TDRKH: variants seen among roughly 807,000 people sequenced by gnomAD.
The protein encoded by TDRKH is tudor and KH domain containing.
In TDRKH, 28 loss-of-function variants were observed where a neutral mutation model predicts 61.3. The ratio of observed to expected loss-of-function variants is 0.46; its 90% confidence interval spans 0.34 to 0.63. The LOEUF is 0.63. Ranked by LOEUF, TDRKH falls within the 20% of genes least tolerant of loss-of-function variation. TDRKH has a pLI of 0.01. For synonymous variants in TDRKH, 219 were observed against 244.4 expected (o/e 0.90, Z 0.97); for missense variants, 540 against 683.4 (o/e 0.79, Z 2.34).
chr1:151,777,620 T>G (rs1649309762), intron 6 of TDRKH, among the ~76,000 whole-genome samples: 1 of 152,162 alleles, frequency 6.6e-6, no homozygotes, highest in Admixed American at 6.5e-5. Flanking sequence ...GTAAGGAATA[T>G]CTGTGATGAT....
rs1649450558 is a variant in TDRKH at position 151,778,685 on chromosome 1, T to C, written c.883A>G (p.Ile295Val). 1 of 1,611,914 alleles carries C rather than the reference T, an allele frequency of 6.2e-7. No homozygotes were observed. Among genetic ancestry groups the C allele is most frequent in the Non-Finnish European group, 8.5e-7 (1 of 1,179,082 alleles). The change falls in exon 6 of 13, where the codon ATC becomes GTC. Residue 295 changes from isoleucine (I) to valine (V), a missense_variant and splice_region_variant. Around this residue, in one of 3 missense-constraint regions of TDRKH, gnomAD observed 379 missense variants for 443.8 expected, o/e 0.85. Coordinates refer to ENST00000368824, the MANE Select transcript of TDRKH (RefSeq NM_001083965.2). ...AATGGGCTCCCTCTTTGTTACATAC[T>C]TTCAAACATGGGCATCTCTGGGATG... ...QAIPEMPMFE[I>V]PSPDFSFHAD...
downstream of TDRKH, among the ~76,000 whole-genome samples, chr1:151,767,772 T>G (rs537371419): frequency 2.6e-5 from 4 of 152,192 alleles, no homozygotes; most frequent in Non-Finnish European, 5.9e-5. Context: ...AATCCTAAGC[T>G]CTCTGATGTA....
At chr1:151,779,732 T>G in intron 4 of TDRKH, 1 of 503,692 alleles carries the variant, frequency 2.0e-6, no homozygotes, top group Non-Finnish European at 3.5e-6. Flanking sequence ...CTAGAACCCT[T>G]AAAGAATCAA....
In TDRKH at chr1:151,775,890, G is replaced by C. The variant is rs1348760455; in HGVS notation, c.1218-6C>G. On this transcript the variant is annotated splice_region_variant and splice_polypyrimidine_tract_variant and intron_variant, in intron 8 of 12. Coordinates refer to ENST00000368824, the MANE Select transcript of TDRKH (RefSeq NM_001083965.2). ...GAAGGCTTAGGAAGTCACTCCTGAA[G>C]TAAAAGAAACTAAAATTAGAATCCT... 6.2e-7 allele frequency: 1 copy of C among 1,611,050 alleles called. No individual in the cohort carries two copies. Among genetic ancestry groups the C allele is most frequent in the African/African-American group, 1.3e-5 (1 of 75,004 alleles).
chr1:151,783,134 T>A, intron 1 of TDRKH, 85 bp from the exon 2 acceptor site: 1 of 1,280,808 alleles, frequency 7.8e-7, no homozygotes. Context: ...ACATTATTAC[T>A]GAAAAGACTA....
At chr1:151,767,445 C>T, downstream of TDRKH, 1 of 1,425,002 alleles carries the variant, frequency 7.0e-7, no homozygotes, top group Non-Finnish European at 9.2e-7. Context: ...GCTATATAGA[C>T]AAGCATTCTG....
At chr1:151,773,169 C>T (rs754718443), downstream of TDRKH, among the ~76,000 whole-genome samples, 4 of 152,158 alleles carry the variant, frequency 2.6e-5, no homozygotes, top group East Asian at 1.9e-4. Context: ...CAGCCTCCCA[C>T]GCAGCTGGGA....
intron 11 of TDRKH, 76 bp downstream of exon 11, chr1:151,774,989 T>A: frequency 6.8e-7 from 1 of 1,480,870 alleles, no homozygotes; most frequent in Non-Finnish European, 9.4e-7. Flanking sequence ...TAACACAGTA[T>A]CAGGACTAGA....
Position 151,775,077 on chromosome 1 carries a change from C to T in TDRKH, c.1524G>A (p.Met508Ile). 6.2e-7 allele frequency: 1 copy of T among 1,614,142 alleles called. No individual in the cohort carries two copies. The highest frequency in any genetic ancestry group is 8.5e-7 in the Non-Finnish European group (1 of 1,180,014). ...TACAATAGCTCACCATGTCCTTCAA[C>T]ATGTCTGGGACAGCTCTGTTTTCTT... ...DIEENRAVPDMLKDMATETDA... is the reference protein window; with the variant it reads ...DIEENRAVPDILKDMATETDA... The change falls in exon 11 of 13, where the codon ATG becomes ATA. Residue 508 changes from methionine (M) to isoleucine (I), a missense_variant. Met to Ile is a conservative substitution (Grantham distance 10, BLOSUM62 1). Coordinates refer to ENST00000368824, the MANE Select transcript of TDRKH (RefSeq NM_001083965.2).
intron 3 of TDRKH, 106 bp from the exon 4 acceptor site, chr1:151,780,246 G>A: frequency 2.7e-6 from 3 of 1,124,330 alleles, no homozygotes; most frequent in Non-Finnish European, 3.8e-6. Context: ...ATTAGCCAAA[G>A]GAATTAGCTA....
chr1:151,785,369 T>G (rs1227468272), intron 1 of TDRKH, among the ~76,000 whole-genome samples: 1 of 152,208 alleles, frequency 6.6e-6, no homozygotes, highest in Non-Finnish European at 1.5e-5. Context: ...ATGACCCTGC[T>G]CTAAAACACC....
chr1:151,782,800 A>C, intron 2 of TDRKH, 99 bp downstream of exon 2: 1 of 1,431,430 alleles, frequency 7.0e-7, no homozygotes, highest in African/African-American at 1.5e-5. Context: ...CCCAAAACAA[A>C]ACACACACAA....
intron 1 of TDRKH, among the ~76,000 whole-genome samples, chr1:151,786,305 G>A (rs1650310025): frequency 6.6e-6 from 1 of 152,128 alleles, no homozygotes; most frequent in South Asian, 2.1e-4. Flanking sequence ...GGATGCCTTG[G>A]AGTACTGAAA....
chr1:151,786,047 G>A (rs950352158), intron 1 of TDRKH, among the ~76,000 whole-genome samples: 2 of 152,124 alleles, frequency 1.3e-5, no homozygotes, highest in African/African-American at 4.8e-5. Context: ...TTTCACCCTG[G>A]GGGGAAAAAC....
At position 151,778,722 on chromosome 1, in the gene TDRKH, A is replaced by T; in HGVS notation, c.846T>A (p.Ser282=). The change falls in exon 6 of 13, where the codon TCT becomes TCA. Residue 282 remains serine (S), a synonymous_variant. Transcript: ENST00000368824. ...EKPSDDSFQK[S]EAQAIPEMPM... ...GCATCTCTGGGATGGCCTGGGCTTC[A>T]GACTTCTGAAAGCTGTCATCACTAG... The T allele has an allele frequency of 6.2e-7, 1 of 1,614,132 alleles. No homozygotes were observed. Among genetic ancestry groups the T allele is most frequent in the Non-Finnish European group, 8.5e-7 (1 of 1,180,022 alleles).
chr1:151,780,269 C>A (rs912844349), intron 3 of TDRKH, 129 bp from the exon 4 acceptor site: 4 of 279,598 alleles, frequency 1.4e-5, no homozygotes, highest in African/African-American at 9.4e-5. Flanking sequence ...ACTATCTATA[C>A]AACCAGTCCT....
chr1:151,773,603 A>T lies in TDRKH; in HGVS notation c.*849T>A, dbSNP rs1054479. On this transcript the variant is annotated 3_prime_UTR_variant, in exon 13 of 13. Transcript: ENST00000368824. ...ATATGTGTGTATACATATAGATATTATACTAGCAATTTAGAAAATTTCCTG... is the reference window on the plus strand; with the variant it reads ...ATATGTGTGTATACATATAGATATTTTACTAGCAATTTAGAAAATTTCCTG... The T allele has an allele frequency of 0.16, 24,352 of 152,418 alleles. 2,064 individuals carry two copies. The highest frequency in any genetic ancestry group is 0.2 in the African/African-American group (8,496 of 41,466). The allele number at this position is 152,418 out of a possible 1,614,324, so 9.4% of individuals were successfully genotyped here.
rs762720709 is a variant in TDRKH, at chr1:151,774,493, T to C, written c.1645A>G (p.Met549Val). 6.8e-5 allele frequency: 110 copies of C among 1,613,992 alleles called. 1 individual carries two copies. The Admixed American group carries it at 1.6e-3, about 23-fold the overall frequency. Residue 549 changes from methionine (M) to valine (V), a missense_variant, in exon 13 of 13, where the codon ATG becomes GTG. By Grantham distance (21) the Met-to-Val change is conservative. This residue lies in a region of TDRKH where 379 missense variants were observed against 443.8 expected (regional missense o/e 0.85). Transcript: ENST00000368824. ...SCLSLSEAAS[M>V]SGDDNLEDDY... is the part of the protein sequence containing the mutation. ...TCTTCAAGGTTATCATCACCAGACA[T>C]GGAAGCAGCTTCTATTGAAGATAAA...
intron 4 of TDRKH, 76 bp from the exon 5 acceptor site, chr1:151,779,318 A>T: frequency 1.9e-6 from 3 of 1,538,602 alleles, no homozygotes. Flanking sequence ...ACTGTTTTGT[A>T]TATACTAGGA....
Sources: allele counts gnomAD v4.1 joint callset (sites outside exome capture counted in the v4.1 genomes callset), GRCh38; gene constraint gnomAD v4.1.1; regional missense constraint gnomAD v4.1.1; transcripts MANE v1.5; gene names NCBI Gene and HGNC (gene_info 2026-07-23, HGNC 2026-07-21).